The following ZBTB20 variants were observed in gnomAD, a reference collection of about 807,000 sequenced individuals.
The protein encoded by ZBTB20 is zinc finger and BTB domain-containing protein 20.
A neutral mutation model predicts 56.9 loss-of-function variants in ZBTB20; 9 were observed. The ratio of observed to expected loss-of-function variants is 0.16; its 90% confidence interval spans 0.10 to 0.28. The LOEUF (loss-of-function observed/expected upper bound fraction) is 0.28. Among genes scored for constraint, ZBTB20 ranks in the 10% least tolerant of loss-of-function variants. ZBTB20 has a pLI of 1.00. For missense variants in ZBTB20, 655 were observed against 1,003.0 expected (o/e 0.65, Z 4.69); for synonymous variants, 417 against 420.7 (o/e 0.99, Z 0.11).
At position 114,323,642 on chromosome 3, in the gene ZBTB20, C is replaced by T. The variant is rs1317890590; in HGVS notation, c.*15363G>A. 6.6e-6 allele frequency: 1 copy of T among 152,170 alleles called. No homozygotes were observed. Among genetic ancestry groups the T allele is most frequent in the African/African-American group, 2.4e-5 (1 of 41,432 alleles). 9.4% of individuals were successfully genotyped at this position (152,170 alleles called of 1,614,324 possible). ...GGCTTCTTCACTGTTAAAACTCTTA[C>T]TGAGAGCTCAGTCAGAAACAAGATT... is the stretch of plus-strand genomic sequence containing the variant. On this transcript the variant is annotated 3_prime_UTR_variant, in exon 12 of 12. Transcript: ENST00000675478.
rs115586134 is a variant in ZBTB20, at chr3:114,422,920, T to C, written c.-254-33815A>G. ...ACCTTTACAGCAGCATGACCAATGA[T>C]TGGCAAAGTAGTCAAAGTCTACTTC... On this transcript the variant is annotated intron_variant, in intron 7 of 11. Coordinates refer to ENST00000675478, the MANE Select transcript of ZBTB20 (RefSeq NM_001348800.3). Among the ~76,000 whole-genome samples the C allele has an allele frequency of 6.9e-3, 1,049 of 152,250 alleles. 8 individuals are homozygous for C. The highest frequency in any genetic ancestry group is 0.022 in the African/African-American group (897 of 41,546).
At chr3:115,121,041 C>A (rs1302037838) in intron 1 of ZBTB20, among the ~76,000 whole-genome samples, 1 of 151,994 alleles carries the variant, frequency 6.6e-6, no homozygotes, top group Non-Finnish European at 1.5e-5. Flanking sequence ...CAGGCCTGAA[C>A]TTTTGTCATT....
chr3:114,908,937 A>G (rs6766555), intron 3 of ZBTB20, among the ~76,000 whole-genome samples: 40,566 of 151,736 alleles, frequency 0.27, 6,014 homozygotes, highest in East Asian at 0.41. Context: ...GGAGATATAA[A>G]TGACAAAATA....
intron 6 of ZBTB20, among the ~76,000 whole-genome samples, chr3:114,650,909 C>T (rs1285911382): frequency 6.6e-6 from 1 of 151,818 alleles, no homozygotes; most frequent in African/African-American, 2.4e-5. Flanking sequence ...CATCATTTTA[C>T]AATATCATTT....
At chr3:115,098,369 T>C (rs950569341) in intron 1 of ZBTB20, among the ~76,000 whole-genome samples, 1 of 152,186 alleles carries the variant, frequency 6.6e-6, no homozygotes, top group African/African-American at 2.4e-5. Flanking sequence ...TGTACACTTT[T>C]GACATACAGT....
At chr3:115,088,118 G>A (rs1253579800) in intron 1 of ZBTB20, among the ~76,000 whole-genome samples, 1 of 151,862 alleles carries the variant, frequency 6.6e-6, no homozygotes, top group Non-Finnish European at 1.5e-5. Context: ...ATGCCCTACA[G>A]GATTTTTCCT....
chr3:115,032,135 T>C (rs1358552928), intron 2 of ZBTB20, among the ~76,000 whole-genome samples: 4 of 151,476 alleles, frequency 2.6e-5, no homozygotes, highest in African/African-American at 9.7e-5. Flanking sequence ...AAAATATTTT[T>C]TTTTCTAGAA....
At chr3:114,938,436 A>G (rs748567521) in intron 3 of ZBTB20, among the ~76,000 whole-genome samples, 3 of 146,206 alleles carry the variant, frequency 2.1e-5, no homozygotes, top group Non-Finnish European at 4.4e-5. Context: ...ATGCCCATCA[A>G]TGATAGACTG....
At chr3:114,488,867 G>A (rs2042425195) in intron 7 of ZBTB20, among the ~76,000 whole-genome samples, 1 of 152,140 alleles carries the variant, frequency 6.6e-6, no homozygotes, top group African/African-American at 2.4e-5. Context: ...ATACTGAAGT[G>A]CAACGTTGTT....
intron 2 of ZBTB20, among the ~76,000 whole-genome samples, chr3:115,011,400 A>G (rs2079703620): frequency 6.6e-6 from 1 of 151,896 alleles, no homozygotes; most frequent in Non-Finnish European, 1.5e-5. Context: ...GGATCCTAAA[A>G]GCACCAAAAG....
intron 1 of ZBTB20, among the ~76,000 whole-genome samples, chr3:115,142,272 G>A (rs1261450931): frequency 6.6e-6 from 1 of 152,066 alleles, no homozygotes; most frequent in East Asian, 1.9e-4. Flanking sequence ...ACACACACAT[G>A]CAAACACACA....
intron 10 of ZBTB20, among the ~76,000 whole-genome samples, chr3:114,371,817 T>C (rs1170488106): frequency 6.6e-6 from 1 of 152,032 alleles, no homozygotes; most frequent in Non-Finnish European, 1.5e-5. Context: ...ATAATGGGTA[T>C]AGACCAGGTA....
At chr3:114,487,004 C>T (rs1221972339) in intron 7 of ZBTB20, among the ~76,000 whole-genome samples, 1 of 152,168 alleles carries the variant, frequency 6.6e-6, no homozygotes, top group East Asian at 1.9e-4. Flanking sequence ...AATTTTATCA[C>T]TGCAAAGACT....
chr3:114,362,133 A>G (rs576993258), intron 10 of ZBTB20, among the ~76,000 whole-genome samples: 2 of 152,302 alleles, frequency 1.3e-5, no homozygotes, highest in African/African-American at 2.4e-5. Context: ...CTTTAGAAAA[A>G]TACGGGAATT....
At chr3:115,031,944 T>G (rs2080702132) in intron 2 of ZBTB20, among the ~76,000 whole-genome samples, 1 of 151,410 alleles carries the variant, frequency 6.6e-6, no homozygotes, top group Non-Finnish European at 1.5e-5. Context: ...CCTGAGTACA[T>G]CAGACTGCTT....
chr3:114,999,186 G>C (rs2108203642), intron 2 of ZBTB20, among the ~76,000 whole-genome samples: 1 of 146,594 alleles, frequency 6.8e-6, no homozygotes, highest in East Asian at 2.1e-4. Flanking sequence ...GAAAGGAAAG[G>C]AGGAAGGAAA....
intron 4 of ZBTB20, chr3:114,876,275 C>T (rs752047841): frequency 2.4e-4 from 25 of 105,612 alleles, no homozygotes; most frequent in African/African-American, 6.8e-4. Flanking sequence ...TCTTTTATCC[C>T]TCACACCCTT....
chr3:114,971,396 T>C (rs1003141171), intron 3 of ZBTB20, among the ~76,000 whole-genome samples: 3 of 152,194 alleles, frequency 2.0e-5, no homozygotes, highest in Non-Finnish European at 2.9e-5. Context: ...CCTTTGTCCA[T>C]AGACGTGTTA....
intron 5 of ZBTB20, among the ~76,000 whole-genome samples, chr3:114,733,758 G>GT (rs1373427983): frequency 1.3e-5 from 2 of 152,118 alleles, no homozygotes; most frequent in African/African-American, 4.8e-5. Flanking sequence ...ACGGCATCAT[G>GT]TAGAGGTAGT....
Sources: gnomAD v4.1 joint callset for allele counts (sites outside exome capture counted in the v4.1 genomes callset) on GRCh38, gnomAD v4.1.1 for gene constraint, MANE v1.5 for transcripts, NCBI Gene and HGNC (gene_info 2026-07-23, HGNC 2026-07-21) for gene names.